ANKRD11: variants seen among roughly 807,000 people sequenced by gnomAD.
ANKRD11 encodes the protein ankyrin repeat domain 11, also known as ankyrin repeat domain-containing protein 11.
A neutral mutation model predicts 195.7 loss-of-function variants in ANKRD11; 17 were observed. The ratio of observed to expected loss-of-function variants is 0.09; its 90% CI spans 0.06 to 0.13. The LOEUF is 0.13. Among genes scored for constraint, ANKRD11 ranks in the 10% least tolerant of loss-of-function variants. ANKRD11 has a pLI of 1.00. For missense variants in ANKRD11, 3,735 were observed against 3,566.1 expected (o/e 1.05, Z -1.21); for synonymous variants, 1,953 against 1,528.1 (o/e 1.28, Z -6.49).
rs2056344424 is a variant in ANKRD11, at chr16:89,454,618, C to CTG, written c.-145+35626_-145+35627insCA. ...GTTCCTCAAGCTGCTCCCCTGGGTG[C>CTG]TTCCAGGGTTCCTCAAGCTGCTCCC... On this transcript the variant is annotated intron_variant, in intron 1 of 12. Coordinates refer to ENST00000301030, the MANE Select transcript of ANKRD11 (RefSeq NM_013275.6). Among the ~76,000 whole-genome samples the CTG allele has an allele frequency of 5.3e-5, 8 of 149,986 alleles. No homozygotes were observed. The East Asian group carries it at 7.9e-4, about 15-fold the overall frequency.
intron 2 of ANKRD11, among the ~76,000 whole-genome samples, chr16:89,353,089 A>G (rs1354826613): frequency 6.6e-6 from 1 of 152,232 alleles, no homozygotes; most frequent in Non-Finnish European, 1.5e-5. Context: ...CCTGTAATTA[A>G]TCCCAGCACT....
chr16:89,277,676 G>A (rs1232383806), intron 9 of ANKRD11: 1 of 152,292 alleles, frequency 6.6e-6, no homozygotes, highest in Non-Finnish European at 1.5e-5. Flanking sequence ...TCGCGGGGAA[G>A]GGAAAGACCG....
At chr16:89,305,525 C>T (rs954789285) in intron 3 of ANKRD11, among the ~76,000 whole-genome samples, 181 bp from the exon 4 acceptor site, 2 of 152,100 alleles carry the variant, frequency 1.3e-5, no homozygotes, top group Admixed American at 6.5e-5. Flanking sequence ...CCCAGAAGCC[C>T]GGGGTCGGGC....
At chr16:89,399,947 G>A (rs2041624274) in intron 2 of ANKRD11, among the ~76,000 whole-genome samples, 1 of 152,186 alleles carries the variant, frequency 6.6e-6, no homozygotes, top group Admixed American at 6.5e-5. Context: ...TAAGCCGAGT[G>A]ACACAAGAGA....
chr16:89,338,512 T>G (rs1329056803), intron 2 of ANKRD11, among the ~76,000 whole-genome samples: 1 of 150,958 alleles, frequency 6.6e-6, no homozygotes, highest in Non-Finnish European at 1.5e-5. Flanking sequence ...GGCAATCACC[T>G]GAGGTCAGGA....
At chr16:89,471,510 T>C (rs1292120809) in intron 1 of ANKRD11, among the ~76,000 whole-genome samples, 2 of 151,468 alleles carry the variant, frequency 1.3e-5, no homozygotes, top group Non-Finnish European at 2.9e-5. Flanking sequence ...TATGATTTCA[T>C]GACCAGGTGT....
Position 89,291,662 on chromosome 16 carries a change from C to G in ANKRD11, c.227-479G>C. The G allele has an allele frequency of 7.8e-7, 1 of 1,289,786 alleles. No homozygotes were observed. The highest frequency in any genetic ancestry group is 1.0e-6 in the Non-Finnish European group (1 of 988,630). 79.9% of individuals were successfully genotyped at this position (1,289,786 alleles called of 1,614,324 possible). ...TTAAAACACATCAGTAAATCAAGGC[C>G]AACTGGTCAGTACTGTACCTTTCTT... On this transcript the variant is annotated intron_variant, in intron 4 of 12. Transcript: ENST00000301030. This position sits in a 1 kb window ranked among gnomAD's most constrained non-coding sequence, Gnocchi z 5.3.
chr16:89,274,435 TG>T (rs2033462233), intron 11 of ANKRD11, among the ~76,000 whole-genome samples: 1 of 151,712 alleles, frequency 6.6e-6, no homozygotes. Flanking sequence ...GTGGCAGCCC[TG>T]GGGTGCCTGA....
chr16:89,276,815 T>C (rs1021742802), intron 9 of ANKRD11, among the ~76,000 whole-genome samples: 1 of 152,122 alleles, frequency 6.6e-6, no homozygotes, highest in African/African-American at 2.4e-5. Flanking sequence ...CCCAGCACTT[T>C]GGGAGGCTGA....
intron 2 of ANKRD11, among the ~76,000 whole-genome samples, chr16:89,391,449 G>A (rs115109325): frequency 0.024 from 3,729 of 152,232 alleles, 158 homozygotes; most frequent in African/African-American, 0.086. Flanking sequence ...CCCAGCTGGT[G>A]TCCGCCACAG....
rs775343406 is a variant in ANKRD11 at position 89,431,982 on chromosome 16, T to TC, written c.-144-13615dup. Among the ~76,000 whole-genome samples, 240 of 151,512 alleles carry TC rather than the reference T, an allele frequency of 1.6e-3. 1 individual carries two copies. Among genetic ancestry groups the TC allele is most frequent in the Non-Finnish European group, 2.6e-3 (174 of 67,830 alleles). On this transcript the variant is annotated intron_variant, in intron 1 of 12. Transcript: ENST00000301030. ...CTTATAAATCCTGTCCATTTCCAGCTCCCCCCCATCACTGTCACTCCTCCC... is the reference window on the plus strand; with the variant it reads ...CTTATAAATCCTGTCCATTTCCAGCTCCCCCCCCATCACTGTCACTCCTCCC...
chr16:89,437,733 A>G (rs930343370), intron 1 of ANKRD11, among the ~76,000 whole-genome samples: 4 of 151,814 alleles, frequency 2.6e-5, no homozygotes, highest in Non-Finnish European at 5.9e-5. Flanking sequence ...CTCATTTCTC[A>G]CTGGCCTCTG....
chr16:89,278,575 C>T (rs2033862831), intron 9 of ANKRD11: 1 of 457,256 alleles, frequency 2.2e-6, no homozygotes, highest in Non-Finnish European at 4.4e-6. Context: ...ACCAAGCTGC[C>T]CCAAGGGAGC....
chr16:89,286,428 G>A (rs1191902776), intron 7 of ANKRD11: 6 of 632,742 alleles, frequency 9.5e-6, no homozygotes, highest in African/African-American at 1.8e-5. Context: ...CACCCCTCCT[G>A]TGCTCTCCTT....
At chr16:89,453,734 G>A (rs886088274) in intron 1 of ANKRD11, among the ~76,000 whole-genome samples, 5 of 152,190 alleles carry the variant, frequency 3.3e-5, no homozygotes, top group African/African-American at 1.2e-4. Flanking sequence ...AAACAAAAGA[G>A]ACCGGATGCC....
intron 2 of ANKRD11, among the ~76,000 whole-genome samples, chr16:89,375,753 G>A (rs2040397234): frequency 7.7e-6 from 1 of 129,216 alleles, no homozygotes; most frequent in South Asian, 2.7e-4. Flanking sequence ...ACTGCACCCA[G>A]CCGACTCCGT....
chr16:89,399,565 T>C (rs1257923394), intron 2 of ANKRD11, among the ~76,000 whole-genome samples: 1 of 152,154 alleles, frequency 6.6e-6, no homozygotes, highest in Non-Finnish European at 1.5e-5. Context: ...GAAACTACTC[T>C]GTATGATACC....
intron 2 of ANKRD11, among the ~76,000 whole-genome samples, chr16:89,351,425 A>G (rs1378208648): frequency 6.6e-6 from 1 of 152,104 alleles, no homozygotes; most frequent in African/African-American, 2.4e-5. Flanking sequence ...ACCCTCCACT[A>G]CCTCCGCAAA....
intron 2 of ANKRD11, among the ~76,000 whole-genome samples, chr16:89,320,841 A>T (rs1447425494): frequency 6.6e-6 from 1 of 152,228 alleles, no homozygotes; most frequent in Non-Finnish European, 1.5e-5. Context: ...GCCTCTCCAC[A>T]CTGCGAGAGC....
Sources: allele counts gnomAD v4.1 joint callset (sites outside exome capture counted in the v4.1 genomes callset), GRCh38; gene constraint gnomAD v4.1.1; non-coding constraint Gnocchi (gnomAD v3.1); transcripts MANE v1.5; gene names NCBI Gene and HGNC (gene_info 2026-07-23, HGNC 2026-07-21).